The following PGM2 variants were observed in gnomAD, a reference collection of about 807,000 sequenced individuals.
PGM2 encodes phosphoglucomutase 2, also known as phosphopentomutase.
Under a neutral mutation model 74.6 loss-of-function variants are expected in PGM2, and 57 were observed. That is an observed-to-expected ratio of 0.76 (90% CI 0.62 to 0.95). The LOEUF is 0.95. Among genes scored for constraint, PGM2 ranks in the 40% least tolerant of loss-of-function variants. The pLI, the probability that PGM2 is intolerant of heterozygous loss-of-function variation, is 0.00. For missense variants in PGM2, 706 were observed against 741.9 expected (o/e 0.95, Z 0.56); for synonymous variants, 273 against 260.7 (o/e 1.05, Z -0.46).
rs771428898 is a variant in PGM2, at chr4:37,844,490, A to G, written c.846A>G (p.Lys282=). Residue 282 remains lysine, a synonymous_variant, in exon 7 of 14, where the codon AAA becomes AAG. Transcript: ENST00000381967. ...CTCCTGAGGCTGTTCCTGAACAGAA[A>G]GATCCGGATCCTGAGTTTCCAACAG... ...LVPPEAVPEQ[K]DPDPEFPTVK... 8 of 1,614,010 alleles carry G rather than the reference A, an allele frequency of 5.0e-6. No individual in the cohort carries two copies. The highest frequency in any genetic ancestry group is 5.1e-6 in the Non-Finnish European group (6 of 1,179,834).
intron 13 of PGM2, among the ~76,000 whole-genome samples, chr4:37,856,322 T>C (rs1002167033): frequency 1.3e-5 from 2 of 152,108 alleles, no homozygotes; most frequent in Non-Finnish European, 2.9e-5. Flanking sequence ...TAGGCGGAGC[T>C]TGCAGTGAGC....
At chr4:37,836,296 C>T (rs1577673950) in intron 3 of PGM2, among the ~76,000 whole-genome samples, 1 of 152,306 alleles carries the variant, frequency 6.6e-6, no homozygotes, top group African/African-American at 2.4e-5. Context: ...AGGCTACTCT[C>T]TATCACCTGT....
intron 3 of PGM2, among the ~76,000 whole-genome samples, 183 bp from the exon 4 acceptor site, chr4:37,837,346 T>A (rs1166275275): frequency 6.6e-6 from 1 of 152,244 alleles, no homozygotes; most frequent in Non-Finnish European, 1.5e-5. Flanking sequence ...TGAAATGAGA[T>A]GACTCCTGAG....
chr4:37,845,774 A>G (rs370560888), intron 8 of PGM2, 44 bp downstream of exon 8: 114 of 1,183,620 alleles, frequency 9.6e-5, no homozygotes, highest in Middle Eastern at 1.9e-4. Context: ...CATATAAAGG[A>G]TGATCTCTTC....
chr4:37,857,291 A>T (rs977343473), intron 13 of PGM2, among the ~76,000 whole-genome samples: 1 of 152,194 alleles, frequency 6.6e-6, no homozygotes, highest in Non-Finnish European at 1.5e-5. Context: ...GTGACAACAT[A>T]GACAAACCAA....
intron 13 of PGM2, among the ~76,000 whole-genome samples, chr4:37,857,775 C>T (rs1191462258): frequency 6.6e-6 from 1 of 152,156 alleles, no homozygotes; most frequent in African/African-American, 2.4e-5. Context: ...CATATAAAAG[C>T]TCATTTTCTA....
chr4:37,855,157 G>A (rs761433383), intron 12 of PGM2, among the ~76,000 whole-genome samples: 10 of 151,952 alleles, frequency 6.6e-5, no homozygotes, highest in Non-Finnish European at 1.3e-4. Flanking sequence ...TGAAACTTTA[G>A]GCCCTTTGAC....
At chr4:37,828,331 G>A (rs1725349285) in intron 1 of PGM2, among the ~76,000 whole-genome samples, 2 of 151,834 alleles carry the variant, frequency 1.3e-5, no homozygotes, top group Admixed American at 6.6e-5. Flanking sequence ...TATTTCTCTG[G>A]GTAGAGATGA....
chr4:37,846,859 C>A, intron 8 of PGM2, 72 bp from the exon 9 acceptor site: 1 of 1,196,812 alleles, frequency 8.4e-7, no homozygotes, highest in Non-Finnish European at 1.2e-6. Flanking sequence ...ATTGTTTTAT[C>A]CCCATGACAC....
At chr4:37,855,544 G>A (rs1224304628) in intron 12 of PGM2, 64 bp from the exon 13 acceptor site, 1 of 1,394,814 alleles carries the variant, frequency 7.2e-7, no homozygotes, top group African/African-American at 1.5e-5. Flanking sequence ...ACTTATGCAA[G>A]AGAAGATATT....
At chr4:37,836,043 A>T (rs535115306) in intron 3 of PGM2, among the ~76,000 whole-genome samples, 26 of 152,380 alleles carry the variant, frequency 1.7e-4, no homozygotes, top group South Asian at 4.1e-4. Flanking sequence ...TGCTCAGAGC[A>T]TGCAAAGTGC....
intron 2 of PGM2, among the ~76,000 whole-genome samples, chr4:37,832,223 A>T (rs979050841): frequency 1.4e-4 from 21 of 152,186 alleles, no homozygotes; most frequent in African/African-American, 3.9e-4. Flanking sequence ...GGAGACAGAG[A>T]TGTGAAGAGT....
At position 37,848,534 on chromosome 4, in the gene PGM2, G is replaced by C. The variant is rs1296207427; in HGVS notation, c.1295G>C (p.Cys432Ser). The C allele has an allele frequency of 1.2e-6, 2 of 1,613,302 alleles. No homozygotes were observed. The highest frequency in any genetic ancestry group is 2.2e-5 in the South Asian group (2 of 90,992). ...AFEEAIGYMC[C>S]PFVLDKDGVS... ...TGTGTTTCTGCAGGATACATGTGCTGCCCTTTTGTTCTGGACAAAGATGGA... is the reference window on the plus strand; with the variant it reads ...TGTGTTTCTGCAGGATACATGTGCTCCCCTTTTGTTCTGGACAAAGATGGA... The change falls in exon 11 of 14, where the codon TGC (cysteine) becomes TCC (serine). Residue 432 changes from cysteine to serine, a missense_variant. By Grantham distance (112) the Cys-to-Ser change is moderately radical. Around this residue, in one of 3 missense-constraint regions of PGM2, gnomAD observed 359 missense variants for 371.1 expected, o/e 0.97. Coordinates refer to ENST00000381967, the MANE Select transcript of PGM2 (RefSeq NM_018290.4).
chr4:37,854,455 ACT>A (rs1371753109), intron 12 of PGM2, among the ~76,000 whole-genome samples: 4 of 150,658 alleles, frequency 2.7e-5, no homozygotes, highest in Non-Finnish European at 5.9e-5. Flanking sequence ...GGTTCAAGTG[ACT>A]CTCCTGCATC....
At chr4:37,838,884 G>A (rs1246784309) in intron 4 of PGM2, among the ~76,000 whole-genome samples, 1 of 152,066 alleles carries the variant, frequency 6.6e-6, no homozygotes, top group Non-Finnish European at 1.5e-5. Flanking sequence ...CTTCCAGGGT[G>A]TTCAATGACT....
chr4:37,845,900 G>T (rs1247752020), intron 8 of PGM2, among the ~76,000 whole-genome samples, 170 bp downstream of exon 8: 1 of 150,614 alleles, frequency 6.6e-6, no homozygotes, highest in East Asian at 2.0e-4. Context: ...GCAAGATAGA[G>T]ATCTAGTGTG....
intron 4 of PGM2, 77 bp from the exon 5 acceptor site, chr4:37,839,771 G>C: frequency 1.2e-6 from 1 of 828,154 alleles, no homozygotes; most frequent in Non-Finnish European, 2.1e-6. Context: ...GGCATGAACA[G>C]TATAAAATAG....
intron 3 of PGM2, among the ~76,000 whole-genome samples, chr4:37,837,178 G>T (rs190495694): frequency 9.2e-5 from 14 of 152,314 alleles, no homozygotes; most frequent in Non-Finnish European, 7.3e-5. Flanking sequence ...ATGCCTGGAA[G>T]GAGAAGGTGC....
intron 12 of PGM2, among the ~76,000 whole-genome samples, chr4:37,854,860 T>TA (rs1219946735): frequency 1.3e-5 from 2 of 152,142 alleles, no homozygotes; most frequent in Non-Finnish European, 2.9e-5. Context: ...TAAAAGCTAA[T>TA]ACACAAAGTT....
Sources: allele counts gnomAD v4.1 joint callset (sites outside exome capture counted in the v4.1 genomes callset), GRCh38; gene constraint gnomAD v4.1.1; regional missense constraint gnomAD v4.1.1; transcripts MANE v1.5; gene names NCBI Gene and HGNC (gene_info 2026-07-23, HGNC 2026-07-21).